RPAP3: variants seen among roughly 807,000 people sequenced by gnomAD.
RPAP3 encodes RNA polymerase II associated protein 3, also known as RNA polymerase II-associated protein 3.
Under a neutral mutation model 88.8 loss-of-function variants are expected in RPAP3, and 58 were observed. The observed-to-expected ratio is 0.65, with a 90% CI of 0.53 to 0.81. RPAP3 has a LOEUF of 0.81. Among genes scored for constraint, RPAP3 ranks in the 40% least tolerant of loss-of-function variants. RPAP3 has a pLI of 0.00. For synonymous variants in RPAP3, 255 were observed against 259.9 expected (o/e 0.98, Z 0.18); for missense variants, 751 against 764.3 (o/e 0.98, Z 0.20).
At chr12:47,681,653 C>A (rs777965396) in intron 10 of RPAP3, 43 bp downstream of exon 10, 1 of 1,590,966 alleles carries the variant, frequency 6.3e-7, no homozygotes, top group Non-Finnish European at 8.5e-7. Context: ...TTAACTTGGG[C>A]ACTCATCAGG....
Position 47,686,810 on chromosome 12 carries a change from T to A in RPAP3, c.962A>T (p.Asn321Ile). 1 of 1,604,604 alleles carries A rather than the reference T, an allele frequency of 6.2e-7. No homozygotes were observed. Among genetic ancestry groups the A allele is most frequent in the Non-Finnish European group, 8.5e-7 (1 of 1,176,584 alleles). Residue 321 changes from asparagine to isoleucine, a missense_variant, in exon 9 of 17, where the codon AAC (asparagine) becomes ATC (isoleucine). Physicochemically the swap from Asn to Ile is moderately radical, Grantham distance 149 (BLOSUM62 -3). Transcript: ENST00000005386. ...AATCTTCAGATAGGCCATAGCTCTGTTAGCTGGAAGAAGGGCATTAGCACC... is the reference window on the plus strand; with the variant it reads ...AATCTTCAGATAGGCCATAGCTCTGATAGCTGGAAGAAGGGCATTAGCACC... ...ADGANALLPA[N>I]RAMAYLKIQK...
rs887267265 is a variant in RPAP3, at chr12:47,700,862, C to G, written c.294+602G>C. Among the ~76,000 whole-genome samples the G allele has an allele frequency of 2.6e-5, 4 of 152,278 alleles. No homozygotes were observed. In the East Asian group the frequency reaches 5.8e-4, roughly 22 times the overall value. ...TCTCTTTTAGCACATTTCTACAGGTCCTTCAGTTTATGACAAAGACATCTG... is the reference window on the plus strand; with the variant it reads ...TCTCTTTTAGCACATTTCTACAGGTGCTTCAGTTTATGACAAAGACATCTG... On this transcript the variant is annotated intron_variant, in intron 3 of 16. Coordinates refer to ENST00000005386, the MANE Select transcript of RPAP3 (RefSeq NM_024604.3).
rs143507815 is a variant in RPAP3 at position 47,683,583 on chromosome 12, C to T, written c.993-1766G>A. Among the ~76,000 whole-genome samples, 522 of 152,256 alleles carry T rather than the reference C, an allele frequency of 3.4e-3. 4 individuals are homozygous for T. Among genetic ancestry groups the T allele is most frequent in the Middle Eastern group, 0.031 (9 of 294 alleles). On this transcript the variant is annotated intron_variant, in intron 9 of 16. Transcript: ENST00000005386. ...AGTCTGAAGTTGCCACAGAGGTAGA[C>T]GATTATTCTTTGAAAATAGACTCAC...
intron 12 of RPAP3, among the ~76,000 whole-genome samples, chr12:47,677,726 A>ACTGC (rs1351024368): frequency 2.6e-5 from 4 of 152,132 alleles, no homozygotes; most frequent in Admixed American, 2.6e-4. Context: ...ACTACAAACC[A>ACTGC]CTGCTCAACG....
At chr12:47,701,155 G>A (rs1406222654) in intron 3 of RPAP3, 1 of 182,652 alleles carries the variant, frequency 5.5e-6, no homozygotes, top group East Asian at 1.5e-4. Flanking sequence ...ACCACCAGAG[G>A]AAACTGGATG....
intron 12 of RPAP3, among the ~76,000 whole-genome samples, chr12:47,676,005 C>T (rs997545618): frequency 1.3e-5 from 2 of 152,208 alleles, no homozygotes; most frequent in African/African-American, 4.8e-5. Flanking sequence ...GTAAAGCACT[C>T]CTCAGCAAAT....
chr12:47,663,644 A>C (rs977092131), intron 16 of RPAP3, 54 bp from the exon 17 acceptor site: 9 of 1,085,862 alleles, frequency 8.3e-6, no homozygotes, highest in Non-Finnish European at 1.2e-5. Flanking sequence ...AAAACCAAGC[A>C]AAATGTAAAT....
chr12:47,665,627 A>AT (rs1367341856), intron 16 of RPAP3, among the ~76,000 whole-genome samples: 1 of 148,836 alleles, frequency 6.7e-6, no homozygotes, highest in Non-Finnish European at 1.5e-5. Context: ...ATTTTAATAT[A>AT]TATTTTTTTA....
intron 13 of RPAP3, 74 bp downstream of exon 13, chr12:47,670,033 G>A: frequency 1.1e-6 from 1 of 950,562 alleles, no homozygotes; most frequent in Non-Finnish European, 1.7e-6. Flanking sequence ...CAAATCAGAA[G>A]TCTCAGTAAT....
chr12:47,689,060 T>G, intron 7 of RPAP3, 65 bp downstream of exon 7: 1 of 731,882 alleles, frequency 1.4e-6, no homozygotes, highest in Non-Finnish European at 2.3e-6. Flanking sequence ...ACAAAATCTA[T>G]GCAAAAAGCT....
chr12:47,696,788 A>C (rs1282943988), intron 4 of RPAP3, among the ~76,000 whole-genome samples: 1 of 152,256 alleles, frequency 6.6e-6, no homozygotes, highest in Non-Finnish European at 1.5e-5. Flanking sequence ...TATAATACAT[A>C]TAACGCATAA....
In RPAP3 at chr12:47,701,611, A is replaced by AG. The variant is rs1313049761; in HGVS notation, c.154-8dup. 8 of 1,566,780 alleles carry AG rather than the reference A, an allele frequency of 5.1e-6. No individual in the cohort carries two copies. The highest frequency in any genetic ancestry group is 1.4e-5 in the African/African-American group (1 of 72,242). The stretch of plus-strand genomic sequence containing the variant: ...TTCGAATAGGAGGTAAATTCTAAGG[A>AG]GGGAAAAAAAAACACAAAGTTGTGA... On this transcript the variant is annotated splice_polypyrimidine_tract_variant and splice_region_variant and intron_variant, in intron 2 of 16. Coordinates refer to ENST00000005386, the MANE Select transcript of RPAP3 (RefSeq NM_024604.3).
At chr12:47,704,557 T>A (rs192174756) in intron 1 of RPAP3, among the ~76,000 whole-genome samples, 2 of 151,230 alleles carry the variant, frequency 1.3e-5, no homozygotes, top group African/African-American at 2.4e-5. Flanking sequence ...TTTTTTTTTT[T>A]AGTAGAGACG....
intron 5 of RPAP3, chr12:47,695,833 A>C (rs1259535378): frequency 6.6e-6 from 1 of 152,362 alleles, no homozygotes; most frequent in Non-Finnish European, 1.5e-5. Context: ...TACCACATTT[A>C]TATTCTTCCA....
chr12:47,671,661 CAA>C (rs1434517687), intron 12 of RPAP3, among the ~76,000 whole-genome samples: 1 of 152,116 alleles, frequency 6.6e-6, no homozygotes, highest in Non-Finnish European at 1.5e-5. Flanking sequence ...ACTGTATCAG[CAA>C]AAGTTTTTAT....
rs751157175 is a variant in RPAP3, at chr12:47,666,950, TAAACATGGGA to T, written c.1912+20_1912+29del. The T allele has an allele frequency of 1.1e-5, 14 of 1,221,712 alleles. No individual in the cohort carries two copies. The highest frequency in any genetic ancestry group is 1.3e-5 in the Non-Finnish European group (11 of 875,322). 75.7% of individuals were successfully genotyped at this position (1,221,712 alleles called of 1,614,324 possible). On this transcript the variant is annotated intron_variant, in intron 16 of 16. Coordinates refer to ENST00000005386, the MANE Select transcript of RPAP3 (RefSeq NM_024604.3). ...GAATGAATACAGGAATGTACAAAAA[TAAACATGGGA>T]AAACTTTCATAGAACTTACTCTTTT...
At chr12:47,704,917 G>A (rs1244824465) in intron 1 of RPAP3, among the ~76,000 whole-genome samples, 2 of 151,984 alleles carry the variant, frequency 1.3e-5, no homozygotes, top group African/African-American at 2.4e-5. Flanking sequence ...GGAGGCTGAG[G>A]TGGGAGGATC....
chr12:47,705,601 G>T (rs976240154), intron 1 of RPAP3, among the ~76,000 whole-genome samples: 1 of 152,152 alleles, frequency 6.6e-6, no homozygotes, highest in Non-Finnish European at 1.5e-5. Context: ...TTTCACACCC[G>T]CTGTCCCGGC....
chr12:47,666,068 C>T (rs1938868632), intron 16 of RPAP3, among the ~76,000 whole-genome samples: 1 of 152,030 alleles, frequency 6.6e-6, no homozygotes, highest in African/African-American at 2.4e-5. Context: ...ATGTTTAGTA[C>T]AGGAGGTATC....
Sources: gnomAD v4.1 joint callset for allele counts (sites outside exome capture counted in the v4.1 genomes callset) on GRCh38, gnomAD v4.1.1 for gene constraint, MANE v1.5 for transcripts, NCBI Gene and HGNC (gene_info 2026-07-23, HGNC 2026-07-21) for gene names.